Variants in EYA1 observed in about 807,000 individuals in gnomAD.
The protein encoded by EYA1 is EYA transcriptional coactivator and phosphatase 1.
A neutral mutation model predicts 82.0 loss-of-function variants in EYA1; 16 were observed. The observed-to-expected ratio is 0.20, with a 90% CI of 0.13 to 0.30. The LOEUF (loss-of-function observed/expected upper bound fraction) is 0.30, where lower values mean the gene tolerates loss of function less well. EYA1 is among the 10% of genes least tolerant of loss of function. The pLI is 1.00. For synonymous variants in EYA1, 261 were observed against 264.4 expected (o/e 0.99, Z 0.12); for missense variants, 633 against 730.7 (o/e 0.87, Z 1.54).
intron 2 of EYA1, among the ~76,000 whole-genome samples, chr8:71,423,807 C>G (rs924025676): frequency 6.6e-6 from 1 of 152,168 alleles, no homozygotes; most frequent in African/African-American, 2.4e-5. Context: ...AAAAGGCATA[C>G]ATTCCAAAAT....
intron 2 of EYA1, among the ~76,000 whole-genome samples, chr8:71,522,486 GA>G: frequency 6.6e-6 from 1 of 152,286 alleles, no homozygotes; most frequent in East Asian, 1.9e-4. Flanking sequence ...CATCTCCAAA[GA>G]AATAGAACTA....
In EYA1 at chr8:71,208,271, A is replaced by C. The variant is rs189576173; in HGVS notation, c.1698+2885T>G. On this transcript the variant is annotated intron_variant, in intron 17 of 17. Transcript: ENST00000340726. ...AACTGGTGAAACCCCGTCTCTACTAAAAATACAAAAATTAGCCAGGCATCG... is the reference window on the plus strand; with the variant it reads ...AACTGGTGAAACCCCGTCTCTACTACAAATACAAAAATTAGCCAGGCATCG... 3.6e-3 allele frequency among the ~76,000 whole-genome samples: 551 copies of C among 152,260 alleles called. 5 individuals carry two copies. The highest frequency in any genetic ancestry group is 0.013 in the African/African-American group (528 of 41,534).
chr8:71,490,382 T>C lies in EYA1; in HGVS notation c.33+45362A>G, dbSNP rs541530807. Among the ~76,000 whole-genome samples the C allele has an allele frequency of 2.6e-5, 4 of 152,332 alleles. No individual in the cohort carries two copies. The South Asian group carries it at 8.3e-4, about 32-fold the overall frequency. The stretch of plus-strand genomic sequence containing the variant: ...CATGGGGTATTGCATGCTGAAATAG[T>C]TATTTCAGAATTAAACCTTCCTGGT... On this transcript the variant is annotated intron_variant, in intron 2 of 18. Coordinates refer to the EYA1 transcript ENST00000643681.
intron 3 of EYA1, among the ~76,000 whole-genome samples, chr8:71,343,341 A>C (rs1825358306): frequency 6.6e-6 from 1 of 152,214 alleles, no homozygotes. Flanking sequence ...CCTCCAAAAC[A>C]AATTTTGAAA....
upstream of EYA1, among the ~76,000 whole-genome samples, chr8:71,365,398 A>G (rs1278960145): frequency 6.6e-6 from 1 of 152,120 alleles, no homozygotes; most frequent in East Asian, 1.9e-4. Context: ...TATGCTTCTT[A>G]TGAGATGATT....
chr8:71,530,181 G>C (rs1405397246), intron 2 of EYA1, among the ~76,000 whole-genome samples: 1 of 152,150 alleles, frequency 6.6e-6, no homozygotes, highest in Non-Finnish European at 1.5e-5. Context: ...AAGAGAAGGA[G>C]GGGCACAGAT....
intron 12 of EYA1, among the ~76,000 whole-genome samples, chr8:71,218,272 C>A (rs1386358202): frequency 6.6e-6 from 1 of 152,154 alleles, no homozygotes; most frequent in African/African-American, 2.4e-5. Context: ...TTAGACTCAA[C>A]TTCATAACAA....
chr8:71,267,220 T>A (rs1815945479), intron 11 of EYA1, among the ~76,000 whole-genome samples: 2 of 152,206 alleles, frequency 1.3e-5, no homozygotes, highest in South Asian at 4.1e-4. Flanking sequence ...GGAACCTGCC[T>A]TCATCCCTGA....
At position 71,247,648 on chromosome 8, in the gene EYA1, C is replaced by T. The variant is rs574382068; in HGVS notation, c.1051-2956G>A. On this transcript the variant is annotated intron_variant, in intron 11 of 17. Transcript: ENST00000340726. Reference sequence around the variant, plus strand: ...GTTTACAAATTACTGTAAAGAAAAACTAACTCATTTACTCTTGGATTTATA... The same window carrying T: ...GTTTACAAATTACTGTAAAGAAAAATTAACTCATTTACTCTTGGATTTATA... Among the ~76,000 whole-genome samples the T allele has an allele frequency of 1.4e-4, 21 of 152,196 alleles. No homozygotes were observed. In the South Asian group the frequency reaches 2.9e-3, roughly 21 times the overall value.
rs952529400 is a variant in EYA1, at chr8:71,532,153, C to A, written c.33+3591G>T. 3.3e-5 allele frequency among the ~76,000 whole-genome samples: 5 copies of A among 152,144 alleles called. No homozygotes were observed. The East Asian group carries it at 9.6e-4, about 29-fold the overall frequency. ...CTCCCTCAAGTATCATCAGTTCCCTCAGAATTTTTAGCTTCAAATCTCACA... is the reference window on the plus strand; with the variant it reads ...CTCCCTCAAGTATCATCAGTTCCCTAAGAATTTTTAGCTTCAAATCTCACA... On this transcript the variant is annotated intron_variant, in intron 2 of 18. Coordinates refer to the EYA1 transcript ENST00000643681.
intron 1 of EYA1, among the ~76,000 whole-genome samples, chr8:71,360,725 C>T (rs1282968948): frequency 1.3e-5 from 2 of 152,222 alleles, no homozygotes; most frequent in South Asian, 2.1e-4. Context: ...TTGAAAGACA[C>T]ATTATAAAAA....
intron 3 of EYA1, among the ~76,000 whole-genome samples, chr8:71,337,965 G>A (rs927948731): frequency 6.6e-6 from 1 of 152,194 alleles, no homozygotes; most frequent in Non-Finnish European, 1.5e-5. Context: ...ATACTCAGGT[G>A]AGAATAAAAA....
At chr8:71,460,073 T>C (rs1454857509) in intron 2 of EYA1, among the ~76,000 whole-genome samples, 1 of 152,236 alleles carries the variant, frequency 6.6e-6, no homozygotes, top group Non-Finnish European at 1.5e-5. Context: ...AAAAAGCATT[T>C]GAACATTTTT....
rs372951257 is a variant in EYA1 at position 71,368,031 on chromosome 8, T to C, written c.34-11520A>G. Among the ~76,000 whole-genome samples, 8 of 152,298 alleles carry C rather than the reference T, an allele frequency of 5.3e-5. No homozygotes were observed. The East Asian group carries it at 1.5e-3, about 29-fold the overall frequency. On this transcript the variant is annotated intron_variant, in intron 2 of 18. Transcript: ENST00000643681. ...TATACTGAATGTTGAAATGTGTGAT[T>C]CATGTTCTTTCAAAAGATATAAACC...
At chr8:71,485,599 T>C (rs1371789569) in intron 2 of EYA1, among the ~76,000 whole-genome samples, 1 of 152,192 alleles carries the variant, frequency 6.6e-6, no homozygotes, top group African/African-American at 2.4e-5. Context: ...TTTACTAGTT[T>C]GGGGAGCTAC....
intron 2 of EYA1, among the ~76,000 whole-genome samples, chr8:71,376,539 T>C (rs887599526): frequency 6.6e-6 from 1 of 152,130 alleles, no homozygotes; most frequent in Non-Finnish European, 1.5e-5. Context: ...TAGAGGGTTA[T>C]TGTAGTAGTC....
intron 3 of EYA1, among the ~76,000 whole-genome samples, chr8:71,339,645 A>G (rs1173395570): frequency 1.3e-5 from 2 of 152,016 alleles, no homozygotes; most frequent in African/African-American, 4.8e-5. Context: ...TTCCTGCAAC[A>G]TTTCCCAGTT....
At chr8:71,414,989 C>T (rs1830781963) in intron 2 of EYA1, among the ~76,000 whole-genome samples, 2 of 152,174 alleles carry the variant, frequency 1.3e-5, no homozygotes. Flanking sequence ...CAAAGTCTGA[C>T]ATATTTTGGA....
chr8:71,244,961 G>C (rs1371323016), intron 11 of EYA1, among the ~76,000 whole-genome samples: 1 of 152,126 alleles, frequency 6.6e-6, no homozygotes, highest in Non-Finnish European at 1.5e-5. Context: ...TTAAAATCTA[G>C]GGTTACTTAG....
Sources: allele counts gnomAD v4.1 joint callset (sites outside exome capture counted in the v4.1 genomes callset), GRCh38; gene constraint gnomAD v4.1.1; transcripts MANE v1.5; gene names NCBI Gene and HGNC (gene_info 2026-07-23, HGNC 2026-07-21).